The following ATG10 variants were observed in gnomAD, a reference collection of about 807,000 sequenced individuals.
The protein encoded by ATG10 is ubiquitin-like-conjugating enzyme ATG10.
ATG10 carries 30 observed loss-of-function variants against 32.1 expected under a neutral mutation model. The ratio of observed to expected loss-of-function variants is 0.94; its 90% confidence interval spans 0.70 to 1.27. ATG10 has a LOEUF of 1.27. ATG10 is among the 50% of genes most tolerant of loss of function. The pLI, the probability that ATG10 is intolerant of heterozygous loss-of-function variation, is 0.00. For synonymous variants in ATG10, 87 were observed against 91.5 expected, an observed-to-expected ratio of 0.95 and a Z score of 0.28; for missense variants, 233 against 262.3, an observed-to-expected ratio of 0.89 and a Z score of 0.77.
At chr5:81,984,253 C>T (rs578050707) in intron 1 of ATG10, among the ~76,000 whole-genome samples, 30 of 152,370 alleles carry the variant, frequency 2.0e-4, no homozygotes, top group Admixed American at 4.6e-4. Flanking sequence ...AGCGAAACCC[C>T]GTCTCCACCA....
chr5:82,085,399 C>T (rs1046946972), intron 3 of ATG10, among the ~76,000 whole-genome samples: 7 of 149,462 alleles, frequency 4.7e-5, no homozygotes, highest in African/African-American at 1.2e-4. Context: ...TTTAACACCC[C>T]ACTGTCAACA....
chr5:82,008,894 GAATCAAATGTATT>G (rs1441147153), intron 2 of ATG10, among the ~76,000 whole-genome samples: 1 of 152,152 alleles, frequency 6.6e-6, no homozygotes, highest in East Asian at 1.9e-4. Context: ...ATGTATATCA[GAATCAAATGTATT>G]AATTTATAAT....
At chr5:82,021,299 G>C (rs1399991615) in intron 2 of ATG10, among the ~76,000 whole-genome samples, 1 of 152,186 alleles carries the variant, frequency 6.6e-6, no homozygotes, top group Non-Finnish European at 1.5e-5. Context: ...AGGGGTGAAA[G>C]AGGGGCTGCT....
Position 82,091,691 on chromosome 5 carries a change from A to G in ATG10, c.216+33089A>G, listed in dbSNP as rs185653296. Among the ~76,000 whole-genome samples the G allele has an allele frequency of 7.8e-4, 119 of 152,260 alleles. 2 individuals carry two copies. Among genetic ancestry groups the G allele is most frequent in the Admixed American group, 4.2e-3 (64 of 15,256 alleles). ...GTATGTTGACAAAGTCATACCTGGA[A>G]TTTAATGAGATCTATTTTTCCCCAT... On this transcript the variant is annotated intron_variant, in intron 3 of 7. Transcript: ENST00000282185.
intron 2 of ATG10, among the ~76,000 whole-genome samples, chr5:82,012,724 C>T (rs76989448): frequency 0.063 from 9,546 of 152,086 alleles, 384 homozygotes; most frequent in Non-Finnish European, 0.09. Flanking sequence ...AGTGCAGTCT[C>T]GGTTCATTGC....
chr5:82,093,417 A>C (rs1369473377), intron 3 of ATG10, among the ~76,000 whole-genome samples: 3 of 152,058 alleles, frequency 2.0e-5, no homozygotes, highest in Admixed American at 6.6e-5. Context: ...TATAGTTTTC[A>C]TGTCTAGAAG....
chr5:82,184,736 A>G (rs147871914), intron 5 of ATG10, among the ~76,000 whole-genome samples: 2 of 152,318 alleles, frequency 1.3e-5, no homozygotes, highest in East Asian at 3.9e-4. Flanking sequence ...TCTTTGACCT[A>G]CAAGTTTATT....
chr5:82,058,377 A>T (rs78420895), intron 2 of ATG10, 118 bp from the exon 3 acceptor site: 2 of 712,906 alleles, frequency 2.8e-6, no homozygotes, highest in Admixed American at 4.3e-5. Context: ...ATATAGTCTC[A>T]TTTAGTACAT....
chr5:82,028,756 C>CT (rs949962260), intron 2 of ATG10, among the ~76,000 whole-genome samples: 5 of 152,120 alleles, frequency 3.3e-5, no homozygotes, highest in African/African-American at 1.2e-4. Flanking sequence ...ACAGTTCTTA[C>CT]TTTGAGTATT....
At chr5:82,237,717 A>G (rs1239373306) in intron 5 of ATG10, among the ~76,000 whole-genome samples, 2 of 151,842 alleles carry the variant, frequency 1.3e-5, no homozygotes, top group Non-Finnish European at 1.5e-5. Context: ...TTGAATTCCC[A>G]TATTCCTGGA....
At chr5:82,138,552 C>T (rs142375958) in intron 3 of ATG10, among the ~76,000 whole-genome samples, 104 of 152,012 alleles carry the variant, frequency 6.8e-4, no homozygotes, top group Middle Eastern at 6.8e-3. Flanking sequence ...TGGGCTGCAC[C>T]CACTCTCTAA....
At chr5:82,132,267 T>C (rs995767162) in intron 3 of ATG10, among the ~76,000 whole-genome samples, 1 of 152,030 alleles carries the variant, frequency 6.6e-6, no homozygotes, top group African/African-American at 2.4e-5. Context: ...TTTATTATTA[T>C]CCTTTAAGTT....
Position 82,171,186 on chromosome 5 carries a change from T to G in ATG10, c.355+6649T>G, listed in dbSNP as rs140486905. 2.8e-4 allele frequency among the ~76,000 whole-genome samples: 43 copies of G among 152,336 alleles called. No individual in the cohort carries two copies. In the East Asian group the frequency reaches 6.2e-3, roughly 22 times the overall value. ...TTCACTTAATTTAAATGGAAGGGTA[T>G]AACATCACTTGCGTTATTCCATGTT... is the stretch of plus-strand genomic sequence containing the variant. On this transcript the variant is annotated intron_variant, in intron 4 of 7. Transcript: ENST00000282185.
chr5:82,229,744 G>A (rs749051301), intron 5 of ATG10, among the ~76,000 whole-genome samples: 26 of 152,210 alleles, frequency 1.7e-4, no homozygotes, highest in Middle Eastern at 3.4e-3. Context: ...ATGTCTGCAG[G>A]TGTCCATATC....
intron 1 of ATG10, among the ~76,000 whole-genome samples, chr5:81,972,742 A>G (rs1376395068): frequency 6.6e-6 from 1 of 152,210 alleles, no homozygotes; most frequent in Non-Finnish European, 1.5e-5. Flanking sequence ...TGATATTTAG[A>G]GCCAACAGGT....
intron 3 of ATG10, among the ~76,000 whole-genome samples, chr5:82,082,311 A>G (rs752021178): frequency 3.9e-5 from 6 of 152,216 alleles, no homozygotes; most frequent in Non-Finnish European, 8.8e-5. Context: ...AACAATTCAT[A>G]TATTCTGGAG....
chr5:82,227,144 T>C (rs1746164090), intron 5 of ATG10, among the ~76,000 whole-genome samples: 1 of 152,188 alleles, frequency 6.6e-6, no homozygotes, highest in African/African-American at 2.4e-5. Context: ...TGCCCCCTCT[T>C]GTAAAATCCA....
chr5:82,013,054 C>G (rs1202225085), intron 2 of ATG10, among the ~76,000 whole-genome samples: 1 of 151,726 alleles, frequency 6.6e-6, no homozygotes, highest in Non-Finnish European at 1.5e-5. Flanking sequence ...CTGCACCTCC[C>G]GGGTTCCAGT....
intron 5 of ATG10, among the ~76,000 whole-genome samples, chr5:82,181,562 T>C (rs891874629): frequency 6.6e-6 from 1 of 152,102 alleles, no homozygotes; most frequent in Non-Finnish European, 1.5e-5. Context: ...GAGAAGATGA[T>C]ACAGCACTAG....
Sources: allele counts gnomAD v4.1 joint callset (sites outside exome capture counted in the v4.1 genomes callset), GRCh38; gene constraint gnomAD v4.1.1; transcripts MANE v1.5; gene names NCBI Gene and HGNC (gene_info 2026-07-23, HGNC 2026-07-21).